EFCAB8: variants seen among roughly 807,000 people sequenced by gnomAD.
EFCAB8 encodes EF-hand calcium-binding domain-containing protein 8.
EFCAB8 carries 100 observed loss-of-function variants against 116.3 expected under a neutral mutation model. The ratio of observed to expected loss-of-function variants is 0.86; its 90% CI spans 0.73 to 1.02. EFCAB8 has a LOEUF of 1.02. EFCAB8 is among the 50% of genes least tolerant of loss of function. The pLI, the probability that EFCAB8 is intolerant of heterozygous loss-of-function variation, is 0.00. For missense variants in EFCAB8, 1,320 were observed against 1,416.9 expected, an observed-to-expected ratio of 0.93 and a Z score of 1.10; for synonymous variants, 558 against 567.9, an observed-to-expected ratio of 0.98 and a Z score of 0.25.
chr20:32,877,119 G>A (rs1462843366), intron 4 of EFCAB8, among the ~76,000 whole-genome samples: 2 of 151,624 alleles, frequency 1.3e-5, no homozygotes, highest in African/African-American at 4.8e-5. Flanking sequence ...GAGTCCCTGC[G>A]TTAACTGCCG....
intron 20 of EFCAB8, among the ~76,000 whole-genome samples, chr20:32,920,781 T>C (rs907616881): frequency 4.0e-5 from 6 of 151,842 alleles, no homozygotes; most frequent in Middle Eastern, 3.4e-3. Context: ...GGAGGTGGAG[T>C]TGGGGTGCCT....
rs6120039 is a variant in EFCAB8, at chr20:32,921,393, T to G, written c.2412+1178T>G. Among the ~76,000 whole-genome samples the G allele has an allele frequency of 1.4e-3, 147 of 107,530 alleles. 2 individuals are homozygous for G. The highest frequency in any genetic ancestry group is 2.6e-3 in the African/African-American group (89 of 33,788). The allele number at this position is 107,530 out of a possible 152,430, so 70.5% of individuals were successfully genotyped here. A position where few individuals can be genotyped will look rare whatever the true frequency, so the allele number is the denominator to read the frequency against. On this transcript the variant is annotated intron_variant, in intron 20 of 26. Coordinates refer to ENST00000400522, the MANE Select transcript of EFCAB8 (RefSeq NM_001143967.2). ...TGTGTGTGTGTGTGTGTGTGTGTGT[T>G]TTTGTAGAGATGGGGTCTCACTATG...
chr20:32,868,536 C>T (rs1452116177), intron 3 of EFCAB8, among the ~76,000 whole-genome samples: 2 of 152,202 alleles, frequency 1.3e-5, no homozygotes, highest in Non-Finnish European at 2.9e-5. Flanking sequence ...CTTCCAGTTT[C>T]ATATGTATGG....
rs1310871497 is a variant in EFCAB8, at chr20:32,939,797, C to A, written c.2791-3839C>A. 2.0e-5 allele frequency among the ~76,000 whole-genome samples: 3 copies of A among 147,256 alleles called. 1 individual carries two copies. The highest frequency in any genetic ancestry group is 1.3e-4 in the Admixed American group (2 of 14,884). On this transcript the variant is annotated intron_variant, in intron 22 of 26. Transcript: ENST00000400522. ...GCAACCTCCGCCTCCCAGATTCAAG[C>A]GATTCTCCTGCCTCAGCCTCCCGAG...
intron 3 of EFCAB8, among the ~76,000 whole-genome samples, chr20:32,868,707 C>T (rs150994399): frequency 8.5e-5 from 13 of 152,092 alleles, no homozygotes; most frequent in Middle Eastern, 3.4e-3. Flanking sequence ...TGGCTGGGAC[C>T]GGTGTGGTGG....
rs142032175 is a variant in EFCAB8 at position 32,934,617 on chromosome 20, A to G, written c.2790+3281A>G. On this transcript the variant is annotated intron_variant, in intron 22 of 26. Transcript: ENST00000400522. ...TTGAATTGTAGCTCTCATAATCCCC[A>G]GCTGTCGTGGGAGGGACCTGGTGGG... Among the ~76,000 whole-genome samples the G allele has an allele frequency of 3.0e-3, 458 of 152,266 alleles. 1 individual carries two copies. The highest frequency in any genetic ancestry group is 0.01 in the African/African-American group (435 of 41,550).
Position 32,960,085 on chromosome 20 carries a change from C to A in EFCAB8, c.3317C>A (p.Ala1106Glu), listed in dbSNP as rs751446353. The A allele has an allele frequency of 4.2e-5, 65 of 1,551,558 alleles. No homozygotes were observed. Among genetic ancestry groups the A allele is most frequent in the Non-Finnish European group, 5.6e-5 (64 of 1,146,984 alleles). The stretch of plus-strand genomic sequence containing the variant: ...CAGGTGAGCAAAGTCTTGGGAGCGG[C>A]GTATAAGCCCAAGGAACGCTTGCAG... ...DKQVSKVLGA[A>E]YKPKERLQNT... The change falls in exon 26 of 27, where the codon GCG (alanine) becomes GAG (glutamate). Residue 1106 changes from alanine to glutamate, a missense_variant. By Grantham distance (107) the Ala-to-Glu change is moderately radical. Coordinates refer to ENST00000400522, the MANE Select transcript of EFCAB8 (RefSeq NM_001143967.2).
intron 1 of EFCAB8, among the ~76,000 whole-genome samples, chr20:32,860,621 C>T (rs1441672183): frequency 6.6e-6 from 1 of 150,882 alleles, no homozygotes; most frequent in African/African-American, 2.5e-5. Context: ...ATTCTCGTGC[C>T]TCAGTCTCCC....
intron 22 of EFCAB8, among the ~76,000 whole-genome samples, chr20:32,934,578 AC>A (rs1197570965): frequency 2.6e-5 from 4 of 152,204 alleles, no homozygotes; most frequent in African/African-American, 9.6e-5. Flanking sequence ...TTGTGTCCCC[AC>A]ACAAATCTCA....
At chr20:32,875,876 C>T (rs752926221) in intron 3 of EFCAB8, 50 bp from the exon 4 acceptor site, 2 of 1,508,246 alleles carry the variant, frequency 1.3e-6, no homozygotes, top group South Asian at 2.4e-5. Context: ...CAGTGATGGG[C>T]CGAGGGACTT....
chr20:32,907,829 AG>A (rs1986749745), intron 13 of EFCAB8, among the ~76,000 whole-genome samples: 1 of 152,080 alleles, frequency 6.6e-6, no homozygotes, highest in Admixed American at 6.5e-5. Context: ...GGGGCCCTCT[AG>A]GGAAAGTTCC....
Position 32,917,506 on chromosome 20 carries a change from G to A in EFCAB8, c.2061+1G>A, listed in dbSNP as rs780481842. 3 of 1,365,598 alleles carry A rather than the reference G, an allele frequency of 2.2e-6. No individual in the cohort carries two copies. The highest frequency in any genetic ancestry group is 2.9e-6 in the Non-Finnish European group (3 of 1,033,332). 84.6% of individuals were successfully genotyped at this position (1,365,598 alleles called of 1,614,324 possible). On this transcript the variant is annotated splice_donor_variant, in intron 18 of 26. Transcript: ENST00000400522. LOFTEE classifies it high-confidence loss of function. Reference sequence around the variant, plus strand: ...CCCCTCGCCCTTGCAGCCCAAGAGGGTATGTTAACAGGAGCACACTCTCCT... The same window carrying A: ...CCCCTCGCCCTTGCAGCCCAAGAGGATATGTTAACAGGAGCACACTCTCCT...
At chr20:32,878,235 C>T (rs909751793) in intron 4 of EFCAB8, among the ~76,000 whole-genome samples, 4 of 152,108 alleles carry the variant, frequency 2.6e-5, no homozygotes, top group South Asian at 2.1e-4. Flanking sequence ...CATTGCACTC[C>T]AGCCTGGGTG....
intron 4 of EFCAB8, among the ~76,000 whole-genome samples, chr20:32,876,736 G>C (rs188604695): frequency 1.3e-5 from 2 of 152,280 alleles, no homozygotes; most frequent in South Asian, 2.1e-4. Flanking sequence ...GGAGGCCAAG[G>C]GGGGTGGATC....
intron 13 of EFCAB8, chr20:32,907,201 C>T: frequency 4.9e-6 from 4 of 815,894 alleles, no homozygotes; most frequent in Non-Finnish European, 5.9e-6. Context: ...TGGCTTCTAA[C>T]TTTGTGACCC....
At chr20:32,906,099 C>T (rs568202589) in intron 11 of EFCAB8, among the ~76,000 whole-genome samples, 9 of 152,300 alleles carry the variant, frequency 5.9e-5, no homozygotes, top group African/African-American at 1.9e-4. Flanking sequence ...GGGGACCACA[C>T]GTAGCCAGGG....
intron 3 of EFCAB8, among the ~76,000 whole-genome samples, chr20:32,875,373 G>A (rs6120009): frequency 6.6e-6 from 1 of 152,120 alleles, no homozygotes; most frequent in Non-Finnish European, 1.5e-5. Flanking sequence ...GGAGGAGGCA[G>A]CCTCCTAAGG....
chr20:32,867,866 G>A, intron 3 of EFCAB8, 119 bp downstream of exon 3: 2 of 1,167,750 alleles, frequency 1.7e-6, no homozygotes, highest in South Asian at 1.6e-5. Context: ...TTTGAGACAG[G>A]ATATTGCTCT....
chr20:32,884,665 G>A (rs1985517997), intron 5 of EFCAB8, among the ~76,000 whole-genome samples: 1 of 152,232 alleles, frequency 6.6e-6, no homozygotes, highest in African/African-American at 2.4e-5. Flanking sequence ...GGGTCACAGT[G>A]CCTAGGTTCT....
Sources: allele counts gnomAD v4.1 joint callset (sites outside exome capture counted in the v4.1 genomes callset), GRCh38; gene constraint gnomAD v4.1.1; transcripts MANE v1.5; gene names NCBI Gene and HGNC (gene_info 2026-07-23, HGNC 2026-07-21).